Variants in SHANK1 observed in about 807,000 individuals in gnomAD.
SHANK1 encodes SH3 and multiple ankyrin repeat domains protein 1.
Under a neutral mutation model 165.6 loss-of-function variants are expected in SHANK1, and 35 were observed. The ratio of observed to expected loss-of-function variants is 0.21; its 90% CI spans 0.16 to 0.28. SHANK1 has a LOEUF of 0.28. Ranked by LOEUF, SHANK1 falls within the 10% of genes least tolerant of loss-of-function variation. The probability of loss-of-function intolerance (pLI) is 1.00; values close to 1 mark genes in which losing one functional copy is unlikely to be tolerated. For missense variants in SHANK1, 2,681 were observed against 3,036.4 expected (o/e 0.88, Z 2.75); for synonymous variants, 1,428 against 1,384.8 (o/e 1.03, Z -0.69).
Position 50,688,897 on chromosome 19 carries a change from C to T in SHANK1, c.2119G>A (p.Glu707Lys), listed in dbSNP as rs1292637817. The T allele has an allele frequency of 7.6e-6, 12 of 1,586,268 alleles. No individual in the cohort carries two copies. Among genetic ancestry groups the T allele is most frequent in the Admixed American group, 5.3e-5 (3 of 56,318 alleles). The part of the protein sequence containing the change: ...PALQYLESVD[E>K]GGVAWRAGLR... ...CCAGCTCGCCATGCCACGCCACCCTCGTCCACCGACTCCAGGTACTGCAGC... is the reference window on the plus strand; with the variant it reads ...CCAGCTCGCCATGCCACGCCACCCTTGTCCACCGACTCCAGGTACTGCAGC... Residue 707 changes from glutamate to lysine, a missense_variant, in exon 17 of 24, where the codon GAG becomes AAG. By Grantham distance (56) the Glu-to-Lys change is moderately conservative. Around this residue, in one of 10 missense-constraint regions of SHANK1, gnomAD observed 147 missense variants for 256.5 expected, o/e 0.57. Transcript: ENST00000293441. The surrounding 1 kb of genome is among the most constrained non-coding windows in gnomAD (Gnocchi z 6.7).
intron 6 of SHANK1, 139 bp from the exon 7 acceptor site, chr19:50,712,253 C>A (rs1568445421): frequency 1.2e-6 from 1 of 849,740 alleles, no homozygotes. Flanking sequence ...TGCCGTGATG[C>A]CCTTGTGCAA....
chr19:50,667,364 G>A lies in SHANK1; in HGVS notation c.4596C>T (p.Thr1532=), dbSNP rs1287534390. ...SPRRSVPPSP[T]SPRASEENGL... ...CGTTCTCTTCGCTGGCCCTCGGGGAGGTCGGGGAGGGGGGCACGGACCGGC... is the reference window on the plus strand; with the variant it reads ...CGTTCTCTTCGCTGGCCCTCGGGGAAGTCGGGGAGGGGGGCACGGACCGGC... The change falls in exon 23 of 24, where the codon ACC becomes ACT. Residue 1532 remains threonine (T), a synonymous_variant. Coordinates refer to ENST00000293441, the MANE Select transcript of SHANK1 (RefSeq NM_016148.5). The surrounding 1 kb of genome is among the most constrained non-coding windows in gnomAD (Gnocchi z 5.7). The A allele has an allele frequency of 1.9e-6, 3 of 1,539,916 alleles. No individual in the cohort carries two copies. The highest frequency in any genetic ancestry group is 1.7e-4 in the Middle Eastern group (1 of 5,850).
rs1189679653 is a variant in SHANK1 at position 50,661,992 on chromosome 19, C to T, written c.6459G>A (p.Arg2153=). The T allele has an allele frequency of 6.2e-7, 1 of 1,614,004 alleles. No individual in the cohort carries two copies. Among genetic ancestry groups the T allele is most frequent in the African/African-American group, 1.3e-5 (1 of 74,912 alleles). The change falls in exon 24 of 24, where the codon CGG becomes CGA. Residue 2153 remains arginine (R), a synonymous_variant. Coordinates refer to ENST00000293441, the MANE Select transcript of SHANK1 (RefSeq NM_016148.5). ...TRVGHRMNID[R]ALKFFLER The stretch of plus-strand genomic sequence containing the variant: ...ACCTCTCCAGGAAGAATTTGAGAGC[C>T]CGGTCGATGTTCATGCGGTGGCCCA...
In SHANK1 at chr19:50,702,969, G is replaced by A. The variant is rs181401485; in HGVS notation, c.1554-309C>T. On this transcript the variant is annotated intron_variant, in intron 11 of 23. Transcript: ENST00000293441. The surrounding 1 kb of genome is among the most constrained non-coding windows in gnomAD (Gnocchi z 5.3). The stretch of plus-strand genomic sequence containing the variant: ...TCATCCCTCCGCTCACGAGCCTTCC[G>A]CGACTCCCAGCTTCCTCCTGGGTCA... 6.6e-6 allele frequency among the ~76,000 whole-genome samples: 1 copy of A among 152,036 alleles called. No individual in the cohort carries two copies. Among genetic ancestry groups the A allele is most frequent in the Non-Finnish European group, 1.5e-5 (1 of 68,006 alleles).
At chr19:50,687,411 C>T (rs1045049082) in intron 19 of SHANK1, among the ~76,000 whole-genome samples, 171 bp downstream of exon 19, 1 of 152,086 alleles carries the variant, frequency 6.6e-6, no homozygotes, top group Non-Finnish European at 1.5e-5. Flanking sequence ...GTCTCTCAGA[C>T]ACCCCTTCCC....
chr19:50,682,824 CGTTT>C (rs946869647), intron 21 of SHANK1, among the ~76,000 whole-genome samples: 6 of 151,856 alleles, frequency 4.0e-5, no homozygotes, highest in Non-Finnish European at 5.9e-5. Context: ...TAATCTTTTT[CGTTT>C]GTTTGTTTTT....
Position 50,713,379 on chromosome 19 carries a change from G to T in SHANK1, c.792+419C>A, listed in dbSNP as rs781425869. Among the ~76,000 whole-genome samples the T allele has an allele frequency of 6.6e-6, 1 of 151,984 alleles. No individual in the cohort carries two copies. Among genetic ancestry groups the T allele is most frequent in the Non-Finnish European group, 1.5e-5 (1 of 67,986 alleles). ...GAGGAGGGAGGGGAGCTGGTGCAGTGCTGGTTTGGAAGGGTAGCTGGGGGG... is the reference window on the plus strand; with the variant it reads ...GAGGAGGGAGGGGAGCTGGTGCAGTTCTGGTTTGGAAGGGTAGCTGGGGGG... On this transcript the variant is annotated intron_variant, in intron 6 of 23. Transcript: ENST00000293441. The surrounding 1 kb of genome is among the most constrained non-coding windows in gnomAD (Gnocchi z 6.2).
At chr19:50,701,714 CA>C (rs1295476578) in intron 12 of SHANK1, among the ~76,000 whole-genome samples, 1 of 152,196 alleles carries the variant, frequency 6.6e-6, no homozygotes, top group African/African-American at 2.4e-5. Context: ...AGCTCCTGGG[CA>C]GCCTAGAGTC....
rs2089039918 is a variant in SHANK1 at position 50,713,995 on chromosome 19, C to T, written c.641-46G>A. On this transcript the variant is annotated intron_variant, in intron 5 of 23. Coordinates refer to ENST00000293441, the MANE Select transcript of SHANK1 (RefSeq NM_016148.5). The surrounding 1 kb of genome is among the most constrained non-coding windows in gnomAD (Gnocchi z 6.2). ...GTCACATGAAGCCCCTTCTCCTCCC[C>T]TCCATCCCTTCCCATTTTCCAGGCT... 6.2e-7 allele frequency: 1 copy of T among 1,605,512 alleles called. No homozygotes were observed. Among genetic ancestry groups the T allele is most frequent in the African/African-American group, 1.3e-5 (1 of 74,850 alleles).
intron 4 of SHANK1, 147 bp from the exon 5 acceptor site, chr19:50,714,437 T>G: frequency 1.4e-6 from 1 of 693,078 alleles, no homozygotes; most frequent in Non-Finnish European, 2.4e-6. Context: ...ACAGAGAAAA[T>G]ACCCAGCCCT....
At chr19:50,715,533 C>A (rs2089059638) in intron 4 of SHANK1, 126 bp downstream of exon 4, 1 of 844,796 alleles carries the variant, frequency 1.2e-6, no homozygotes, top group South Asian at 1.4e-5. Flanking sequence ...GGGGCAGTGG[C>A]CAGAGGGATC....
intron 21 of SHANK1, among the ~76,000 whole-genome samples, chr19:50,673,767 C>A (rs759202460): frequency 6.6e-6 from 1 of 151,932 alleles, no homozygotes; most frequent in Non-Finnish European, 1.5e-5. Context: ...GAAAATTGTA[C>A]CCTGGATAAT....
At chr19:50,687,424 A>G (rs1986387754) in intron 19 of SHANK1, among the ~76,000 whole-genome samples, 158 bp downstream of exon 19, 1 of 152,084 alleles carries the variant, frequency 6.6e-6, no homozygotes, top group Non-Finnish European at 1.5e-5. Context: ...CCCTTCCCAG[A>G]GACACACACA....
At position 50,716,257 on chromosome 19, in the gene SHANK1, G is replaced by A. The variant is rs757694870; in HGVS notation, c.459+18C>T. 1.9e-6 allele frequency: 3 copies of A among 1,609,928 alleles called. No homozygotes were observed. Among genetic ancestry groups the A allele is most frequent in the Admixed American group, 1.7e-5 (1 of 60,008 alleles). Reference sequence around the variant, plus strand: ...GGCATGCCTTCTCTTATCAGTGAAGGAGTTGGGGAAGCTTCACCTCCAGGT... The same window carrying A: ...GGCATGCCTTCTCTTATCAGTGAAGAAGTTGGGGAAGCTTCACCTCCAGGT... On this transcript the variant is annotated intron_variant, in intron 3 of 23. Transcript: ENST00000293441. This position sits in a 1 kb window ranked among gnomAD's most constrained non-coding sequence, Gnocchi z 8.4.
rs187614200 is a variant in SHANK1 at position 50,674,661 on chromosome 19, C to T, written c.2578-2547G>A. On this transcript the variant is annotated intron_variant, in intron 21 of 23. Coordinates refer to ENST00000293441, the MANE Select transcript of SHANK1 (RefSeq NM_016148.5). ...CATTCAACTGTACATTTCAGGCCAA[C>T]GTGGTGGCTCATGCCTGAAATCTCA... Among the ~76,000 whole-genome samples the T allele has an allele frequency of 1.4e-4, 21 of 152,232 alleles. 1 individual carries two copies. The highest frequency in any genetic ancestry group is 1.2e-3 in the Admixed American group (18 of 15,288).
At chr19:50,704,712 C>T (rs1160831821) in intron 8 of SHANK1, among the ~76,000 whole-genome samples, 198 bp from the exon 9 acceptor site, 1 of 152,108 alleles carries the variant, frequency 6.6e-6, no homozygotes, top group Non-Finnish European at 1.5e-5. Flanking sequence ...AACGGAGATG[C>T]ACCATGCATG....
At chr19:50,672,186 G>C in intron 21 of SHANK1, 72 bp from the exon 22 acceptor site, 1 of 1,229,566 alleles carries the variant, frequency 8.1e-7, no homozygotes, top group Non-Finnish European at 1.2e-6. Flanking sequence ...AAAGGCTTGT[G>C]GCTTCACTAT....
intron 11 of SHANK1, 86 bp downstream of exon 11, chr19:50,703,414 G>A (rs999341961): frequency 8.5e-7 from 1 of 1,178,760 alleles, no homozygotes; most frequent in Non-Finnish European, 1.2e-6. Flanking sequence ...GAGGAAGGCA[G>A]CTGGGCTGGC....
At position 50,702,842 on chromosome 19, in the gene SHANK1, C is replaced by A. The variant is rs1368907995; in HGVS notation, c.1554-182G>T. 1.3e-5 allele frequency among the ~76,000 whole-genome samples: 2 copies of A among 151,942 alleles called. No homozygotes were observed. Among genetic ancestry groups the A allele is most frequent in the Non-Finnish European group, 2.9e-5 (2 of 67,956 alleles). ...TCCCTCTGCCTGCCCGCAGCTGCCC[C>A]AACCAGCCCCCTCTCCTGCCTCCTG... On this transcript the variant is annotated intron_variant, in intron 11 of 23. Coordinates refer to ENST00000293441, the MANE Select transcript of SHANK1 (RefSeq NM_016148.5). This position sits in a 1 kb window ranked among gnomAD's most constrained non-coding sequence, Gnocchi z 5.3.
Sources: gnomAD v4.1 joint callset for allele counts (sites outside exome capture counted in the v4.1 genomes callset) on GRCh38, gnomAD v4.1.1 for gene constraint, gnomAD v4.1.1 regional missense constraint, Gnocchi (gnomAD v3.1) non-coding constraint, MANE v1.5 for transcripts, NCBI Gene and HGNC (gene_info 2026-07-23, HGNC 2026-07-21) for gene names.